The following ERBB4 variants were observed in gnomAD, a reference collection of about 807,000 sequenced individuals.
ERBB4 encodes erb-b2 receptor tyrosine kinase 4, also known as receptor tyrosine-protein kinase erbB-4.
ERBB4 carries 42 observed loss-of-function variants against 158.0 expected under a neutral mutation model. That is an observed-to-expected ratio of 0.27 (90% CI 0.21 to 0.34). ERBB4 has a LOEUF of 0.34. Among genes scored for constraint, ERBB4 ranks in the 10% least tolerant of loss-of-function variants. ERBB4 has a pLI of 1.00. For synonymous variants in ERBB4, 583 were observed against 558.7 expected (o/e 1.04, Z -0.61); for missense variants, 1,333 against 1,624.1 (o/e 0.82, Z 3.08).
At chr2:211,921,836 A>G (rs1038888532) in intron 3 of ERBB4, among the ~76,000 whole-genome samples, 3 of 152,236 alleles carry the variant, frequency 2.0e-5, no homozygotes, top group Admixed American at 6.5e-5. Context: ...TATTTCACCT[A>G]TTCTAAGGTG....
intron 3 of ERBB4, among the ~76,000 whole-genome samples, chr2:211,800,209 C>A (rs1440579927): frequency 6.6e-6 from 1 of 152,140 alleles, no homozygotes; most frequent in Admixed American, 6.5e-5. Flanking sequence ...CCATTGTTAG[C>A]CACCTCACTG....
chr2:211,856,908 G>A (rs1408047418), intron 3 of ERBB4, among the ~76,000 whole-genome samples: 1 of 152,068 alleles, frequency 6.6e-6, no homozygotes, highest in Non-Finnish European at 1.5e-5. Context: ...TTTTGGTGTT[G>A]TACAATCAAC....
intron 20 of ERBB4, among the ~76,000 whole-genome samples, chr2:211,480,399 T>C (rs947560289): frequency 1.3e-5 from 2 of 152,172 alleles, no homozygotes; most frequent in African/African-American, 4.8e-5. Context: ...ACTGTTCTTG[T>C]GATAGTGAGA....
chr2:211,576,751 T>C (rs542565225), intron 19 of ERBB4, among the ~76,000 whole-genome samples: 2 of 152,238 alleles, frequency 1.3e-5, no homozygotes, highest in Admixed American at 6.5e-5. Flanking sequence ...TAATTATAAA[T>C]GTATGATATA....
chr2:211,810,862 G>C (rs997089134), intron 3 of ERBB4, among the ~76,000 whole-genome samples: 15 of 151,654 alleles, frequency 9.9e-5, no homozygotes, highest in African/African-American at 3.6e-4. Flanking sequence ...TTTTAGTAGA[G>C]ACGGGGTTTC....
intron 2 of ERBB4, among the ~76,000 whole-genome samples, chr2:212,056,052 A>C (rs1559402275): frequency 6.6e-6 from 1 of 152,230 alleles, no homozygotes; most frequent in Non-Finnish European, 1.5e-5. Context: ...CAAATGGGTA[A>C]CTAGAATAAC....
At chr2:212,018,467 G>C (rs369535652) in intron 2 of ERBB4, among the ~76,000 whole-genome samples, 10 of 152,100 alleles carry the variant, frequency 6.6e-5, no homozygotes, top group African/African-American at 2.4e-4. Context: ...GATGTATTTG[G>C]AAATAAACCA....
At chr2:211,841,757 T>C (rs769879728) in intron 3 of ERBB4, among the ~76,000 whole-genome samples, 2 of 152,174 alleles carry the variant, frequency 1.3e-5, no homozygotes, top group African/African-American at 2.4e-5. Context: ...ATGTCTACAA[T>C]ACATTCACAT....
intron 20 of ERBB4, among the ~76,000 whole-genome samples, chr2:211,448,108 G>C (rs555640553): frequency 5.3e-5 from 8 of 152,112 alleles, no homozygotes; most frequent in African/African-American, 1.7e-4. Context: ...CAGTAGCTGC[G>C]ATTACACATG....
At chr2:211,921,589 G>T (rs2079859587) in intron 3 of ERBB4, among the ~76,000 whole-genome samples, 1 of 152,086 alleles carries the variant, frequency 6.6e-6, no homozygotes, top group East Asian at 1.9e-4. Context: ...AGATTCTAGA[G>T]AGAAGAACTG....
intron 1 of ERBB4, among the ~76,000 whole-genome samples, chr2:212,498,628 G>A (rs1008418068): frequency 3.3e-5 from 5 of 151,884 alleles, no homozygotes; most frequent in African/African-American, 1.2e-4. Flanking sequence ...CATTCTTGGA[G>A]TCACCCAAAA....
At chr2:211,766,828 C>T (rs1193950335) in intron 4 of ERBB4, among the ~76,000 whole-genome samples, 1 of 152,142 alleles carries the variant, frequency 6.6e-6, no homozygotes, top group Non-Finnish European at 1.5e-5. Context: ...CACCCCACTC[C>T]CCCATTTCTG....
At chr2:211,611,283 C>T (rs2069184446) in intron 19 of ERBB4, among the ~76,000 whole-genome samples, 1 of 151,860 alleles carries the variant, frequency 6.6e-6, no homozygotes, top group African/African-American at 2.4e-5. Context: ...AACCCACAAG[C>T]AGATAGAAAA....
intron 1 of ERBB4, among the ~76,000 whole-genome samples, chr2:212,222,585 G>A (rs997672847): frequency 2.0e-5 from 3 of 150,344 alleles, no homozygotes; most frequent in South Asian, 2.1e-4. Context: ...TACTATATTC[G>A]CCTGGTTTTC....
At chr2:211,836,028 A>T (rs1259074809) in intron 3 of ERBB4, among the ~76,000 whole-genome samples, 1 of 152,096 alleles carries the variant, frequency 6.6e-6, no homozygotes, top group Non-Finnish European at 1.5e-5. Context: ...TTAAAAGGCA[A>T]AGAAATGCTA....
intron 19 of ERBB4, among the ~76,000 whole-genome samples, chr2:211,580,844 TTA>T (rs1449061227): frequency 3.4e-5 from 2 of 58,700 alleles, no homozygotes; most frequent in African/African-American, 8.5e-5. Flanking sequence ...AGATTATATA[TTA>T]TATATATAGT....
chr2:211,524,406 G>A lies in ERBB4; in HGVS notation c.2487+37497C>T, dbSNP rs541851821. ...TCCTCAGCCCTTGGGTGGTCAATGG[G>A]ACTGGGTGCCGTGGAGCAGGGGGTG... On this transcript the variant is annotated intron_variant, in intron 20 of 27. Transcript: ENST00000342788. Among the ~76,000 whole-genome samples, 77 of 151,880 alleles carry A rather than the reference G, an allele frequency of 5.1e-4. 2 individuals carry two copies. The South Asian group carries it at 0.015, about 30-fold the overall frequency.
At position 211,386,664 on chromosome 2, in the gene ERBB4, T is replaced by C. The variant is rs576624650; in HGVS notation, c.3481+189A>G. On this transcript the variant is annotated intron_variant, in intron 27 of 27. Coordinates refer to ENST00000342788, the MANE Select transcript of ERBB4 (RefSeq NM_005235.3). The stretch of plus-strand genomic sequence containing the variant: ...GGGGCCTGCCTGAGATTCTGATTTA[T>C]ATAAATAATAATAAATAATGTGGAT... 1.1e-4 allele frequency among the ~76,000 whole-genome samples: 16 copies of C among 152,328 alleles called. No individual in the cohort carries two copies. The South Asian group carries it at 2.3e-3, about 22-fold the overall frequency.
At chr2:212,040,300 T>C (rs1031669168) in intron 2 of ERBB4, among the ~76,000 whole-genome samples, 4 of 151,978 alleles carry the variant, frequency 2.6e-5, no homozygotes, top group Admixed American at 6.6e-5. Context: ...ATTTGGTGAA[T>C]AGAAAAATTT....
Sources: allele counts gnomAD v4.1 joint callset (sites outside exome capture counted in the v4.1 genomes callset), GRCh38; gene constraint gnomAD v4.1.1; transcripts MANE v1.5; gene names NCBI Gene and HGNC (gene_info 2026-07-23, HGNC 2026-07-21).